The following SLC9A8 variants were observed in gnomAD, a reference collection of about 807,000 sequenced individuals.
The protein encoded by SLC9A8 is solute carrier family 9 member A8, also known as sodium/hydrogen exchanger 8.
SLC9A8 carries 48 observed loss-of-function variants against 66.6 expected under a neutral mutation model. The ratio of observed to expected loss-of-function variants is 0.72; its 90% CI spans 0.57 to 0.92. The LOEUF is 0.92. Among genes scored for constraint, SLC9A8 ranks in the 40% least tolerant of loss-of-function variants. The pLI is 0.00. For synonymous variants in SLC9A8, 274 were observed against 282.6 expected (o/e 0.97, Z 0.31); for missense variants, 599 against 747.3 (o/e 0.80, Z 2.31).
chr20:49,872,684 A>G (rs1481698926), intron 10 of SLC9A8, among the ~76,000 whole-genome samples: 1 of 152,046 alleles, frequency 6.6e-6, no homozygotes, highest in Non-Finnish European at 1.5e-5. Flanking sequence ...ACGGGGTTTC[A>G]CCATCTTGAC....
chr20:49,831,445 C>G (rs2087192083), intron 3 of SLC9A8, among the ~76,000 whole-genome samples: 1 of 152,108 alleles, frequency 6.6e-6, no homozygotes, highest in Non-Finnish European at 1.5e-5. Flanking sequence ...CTCTCTCTCT[C>G]TCACCCCAGG....
chr20:49,887,763 G>T (rs1342136019), intron 15 of SLC9A8, 66 bp from the exon 16 acceptor site: 3 of 1,279,398 alleles, frequency 2.3e-6, no homozygotes, highest in African/African-American at 3.0e-5. Context: ...ACACCCAGTA[G>T]CATCCCCTCC....
rs532910929 is a variant in SLC9A8 at position 49,886,607 on chromosome 20, C to T, written c.1492-145C>T. ...GCCTCCCTGCAGGCTCCCAGGAGGC[C>T]GTCTGCTGCCCGTCACCCTGCATTG... On this transcript the variant is annotated intron_variant, in intron 14 of 15. Coordinates refer to ENST00000361573, the MANE Select transcript of SLC9A8 (RefSeq NM_015266.3). This position sits in a 1 kb window ranked among gnomAD's most constrained non-coding sequence, Gnocchi z 4.8. 113 of 935,792 alleles carry T rather than the reference C, an allele frequency of 1.2e-4. 1 individual carries two copies. In the South Asian group the frequency reaches 1.8e-3, roughly 15 times the overall value. The allele number at this position is 935,792 out of a possible 1,614,324, so 58.0% of individuals were successfully genotyped here.
At chr20:49,852,217 GT>G (rs2088283284) in intron 7 of SLC9A8, among the ~76,000 whole-genome samples, 1 of 152,222 alleles carries the variant, frequency 6.6e-6, no homozygotes, top group South Asian at 2.1e-4. Flanking sequence ...AACACACCCT[GT>G]ATGAAGGGAC....
intron 3 of SLC9A8, among the ~76,000 whole-genome samples, chr20:49,839,168 A>G (rs1189613280): frequency 6.6e-6 from 1 of 152,166 alleles, no homozygotes. Context: ...TTTTTTGAAA[A>G]TGATGGAAAT....
intron 8 of SLC9A8, among the ~76,000 whole-genome samples, chr20:49,859,804 AC>A (rs1458330537): frequency 6.6e-6 from 1 of 152,214 alleles, no homozygotes; most frequent in Non-Finnish European, 1.5e-5. Context: ...TTCTCCAGCT[AC>A]AGCTTAAGCT....
At chr20:49,850,139 C>T (rs1600720023) in intron 6 of SLC9A8, among the ~76,000 whole-genome samples, 1 of 152,210 alleles carries the variant, frequency 6.6e-6, no homozygotes, top group East Asian at 1.9e-4. Flanking sequence ...TGCTGAATCT[C>T]TTCACTCAAT....
rs1005464493 is a variant in SLC9A8, at chr20:49,845,827, G to GT, written c.432+719dup. 5.6e-4 allele frequency among the ~76,000 whole-genome samples: 83 copies of GT among 148,916 alleles called. No individual in the cohort carries two copies. The Middle Eastern group carries it at 0.01, about 19-fold the overall frequency. On this transcript the variant is annotated intron_variant, in intron 5 of 15. Coordinates refer to ENST00000361573, the MANE Select transcript of SLC9A8 (RefSeq NM_015266.3). ...TGCCTTGCAACTCCCAGTGTGAGAT[G>GT]TTTTTTTTTTTGTTTTGTTTTTTTT...
chr20:49,875,029 C>T (rs187632334), intron 11 of SLC9A8, among the ~76,000 whole-genome samples: 82 of 152,210 alleles, frequency 5.4e-4, no homozygotes, highest in African/African-American at 2.0e-3. Flanking sequence ...GAACATCTGG[C>T]GCCTACAATT....
intron 11 of SLC9A8, among the ~76,000 whole-genome samples, chr20:49,875,428 T>C (rs1033762783): frequency 1.3e-5 from 2 of 152,196 alleles, no homozygotes; most frequent in African/African-American, 2.4e-5. Context: ...GATATAGTTA[T>C]AGAATTTTCC....
intron 8 of SLC9A8, among the ~76,000 whole-genome samples, chr20:49,860,245 T>C (rs192398538): frequency 2.0e-5 from 3 of 152,236 alleles, no homozygotes; most frequent in African/African-American, 7.2e-5. Flanking sequence ...AGAAGGGGGA[T>C]TGGGGAGATT....
At chr20:49,814,794 C>CT (rs565767368) in intron 1 of SLC9A8, among the ~76,000 whole-genome samples, 1 of 152,120 alleles carries the variant, frequency 6.6e-6, no homozygotes, top group Non-Finnish European at 1.5e-5. Context: ...TTCTTGTCCT[C>CT]TAAGTGGCTG....
At chr20:49,838,542 T>A (rs2087633840) in intron 3 of SLC9A8, among the ~76,000 whole-genome samples, 1 of 152,206 alleles carries the variant, frequency 6.6e-6, no homozygotes, top group Non-Finnish European at 1.5e-5. Context: ...AAAATGAACT[T>A]ATCTCCCCTC....
intron 10 of SLC9A8, among the ~76,000 whole-genome samples, chr20:49,866,322 T>G (rs2088963456): frequency 6.6e-6 from 1 of 152,254 alleles, no homozygotes; most frequent in African/African-American, 2.4e-5. Context: ...CATTTGGGGT[T>G]TTCCAGATTT....
At chr20:49,884,213 C>CG (rs1258398708) in intron 14 of SLC9A8, 147 bp downstream of exon 14, 7 of 349,188 alleles carry the variant, frequency 2.0e-5, no homozygotes, top group Admixed American at 1.5e-4. Flanking sequence ...CACACACACA[C>CG]ACACACACAC....
chr20:49,816,570 C>G (rs545110821), intron 2 of SLC9A8, among the ~76,000 whole-genome samples: 1 of 152,016 alleles, frequency 6.6e-6, no homozygotes, highest in Non-Finnish European at 1.5e-5. Flanking sequence ...AGATACCAGT[C>G]GAGAGGTTTA....
At chr20:49,817,298 CAA>C (rs1053997792) in intron 2 of SLC9A8, among the ~76,000 whole-genome samples, 8 of 151,918 alleles carry the variant, frequency 5.3e-5, no homozygotes, top group Admixed American at 1.3e-4. Context: ...GCCTGAGTGA[CAA>C]GAGGGAAACT....
intron 6 of SLC9A8, 153 bp from the exon 7 acceptor site, chr20:49,850,657 G>A: frequency 1.2e-6 from 1 of 857,646 alleles, no homozygotes. Flanking sequence ...TTTCAACTAA[G>A]GCTTAGGAGC....
At chr20:49,864,500 C>T (rs2088882471) in intron 9 of SLC9A8, among the ~76,000 whole-genome samples, 1 of 152,178 alleles carries the variant, frequency 6.6e-6, no homozygotes, top group South Asian at 2.1e-4. Flanking sequence ...CATCTTCCAC[C>T]ACCATTTATC....
Sources: gnomAD v4.1 joint callset for allele counts (sites outside exome capture counted in the v4.1 genomes callset) on GRCh38, gnomAD v4.1.1 for gene constraint, Gnocchi (gnomAD v3.1) non-coding constraint, MANE v1.5 for transcripts, NCBI Gene and HGNC (gene_info 2026-07-23, HGNC 2026-07-21) for gene names.